MSH4: variants seen among roughly 807,000 people sequenced by gnomAD.
MSH4 encodes the protein mutS homolog 4.
A neutral mutation model predicts 113.7 loss-of-function variants in MSH4; 106 were observed. The ratio of observed to expected loss-of-function variants is 0.93; its 90% CI spans 0.80 to 1.10. The LOEUF (loss-of-function observed/expected upper bound fraction) is 1.10. Among genes scored for constraint, MSH4 ranks in the 50% least tolerant of loss-of-function variants. The probability of loss-of-function intolerance (pLI) is 0.00; values close to 1 mark genes in which losing one functional copy is unlikely to be tolerated. For missense variants in MSH4, 1,061 were observed against 1,093.7 expected, an observed-to-expected ratio of 0.97 and a Z score of 0.42; for synonymous variants, 368 against 380.2, an observed-to-expected ratio of 0.97 and a Z score of 0.37.
intron 1 of MSH4, among the ~76,000 whole-genome samples, chr1:75,800,273 CCA>C (rs1272706238): frequency 6.6e-6 from 1 of 152,162 alleles, no homozygotes; most frequent in Non-Finnish European, 1.5e-5. Flanking sequence ...TACACCCTGT[CCA>C]CACCTTTGTA....
At chr1:75,867,073 G>A (rs1651578038) in intron 8 of MSH4, among the ~76,000 whole-genome samples, 1 of 152,118 alleles carries the variant, frequency 6.6e-6, no homozygotes, top group African/African-American at 2.4e-5. Flanking sequence ...AGTTTTACTT[G>A]AACAAACAGG....
At chr1:75,911,202 T>C (rs1159229860) in intron 19 of MSH4, among the ~76,000 whole-genome samples, 2 of 151,980 alleles carry the variant, frequency 1.3e-5, no homozygotes, top group Non-Finnish European at 2.9e-5. Context: ...GCTTCATGAT[T>C]TTCCTTTGTT....
chr1:75,858,261 T>C (rs1651365606), intron 8 of MSH4, among the ~76,000 whole-genome samples: 1 of 152,220 alleles, frequency 6.6e-6, no homozygotes, highest in Non-Finnish European at 1.5e-5. Flanking sequence ...CTTTATTTCT[T>C]TCTCTTGCCT....
At chr1:75,827,204 A>T (rs1360009625) in intron 7 of MSH4, among the ~76,000 whole-genome samples, 2 of 152,176 alleles carry the variant, frequency 1.3e-5, no homozygotes, top group Non-Finnish European at 2.9e-5. Context: ...TAAAGAAAAG[A>T]ATTTTTAACC....
At chr1:75,893,057 A>T (rs1349099057) in intron 17 of MSH4, among the ~76,000 whole-genome samples, 1 of 152,210 alleles carries the variant, frequency 6.6e-6, no homozygotes, top group Non-Finnish European at 1.5e-5. Flanking sequence ...CAGTGGCTGT[A>T]GACACCAGGA....
At chr1:75,907,689 C>CATTTATATATATAT (rs1652694141) in intron 19 of MSH4, among the ~76,000 whole-genome samples, 1 of 78,622 alleles carries the variant, frequency 1.3e-5, no homozygotes, top group African/African-American at 5.9e-5. Flanking sequence ...TCTCTCTATA[C>CATTTATATATATAT]ATATATATAT....
chr1:75,831,926 A>G (rs1650701069), intron 7 of MSH4, among the ~76,000 whole-genome samples: 1 of 152,178 alleles, frequency 6.6e-6, no homozygotes, highest in South Asian at 2.1e-4. Context: ...GATAAGAAAT[A>G]ACTAAGATCA....
In MSH4 at chr1:75,819,853, G is replaced by T. The variant is rs555846834; in HGVS notation, c.990-2556G>T. On this transcript the variant is annotated intron_variant, in intron 6 of 19. Coordinates refer to ENST00000263187, the MANE Select transcript of MSH4 (RefSeq NM_002440.4). ...AGCCTCCTGAGAAGCTGGGATTACA[G>T]GTGCCTGCCACTATACCTGGCTAAT... 2.7e-3 allele frequency among the ~76,000 whole-genome samples: 416 copies of T among 152,194 alleles called. 6 individuals are homozygous for T. The highest frequency in any genetic ancestry group is 3.7e-3 in the Non-Finnish European group (249 of 68,008).
At chr1:75,864,621 A>T (rs535894375) in intron 8 of MSH4, among the ~76,000 whole-genome samples, 23 of 152,114 alleles carry the variant, frequency 1.5e-4, no homozygotes, top group Admixed American at 5.2e-4. Flanking sequence ...TATATTGACC[A>T]TTTGAATATC....
At chr1:75,847,242 C>T (rs1274984755) in intron 7 of MSH4, among the ~76,000 whole-genome samples, 4 of 152,254 alleles carry the variant, frequency 2.6e-5, no homozygotes, top group South Asian at 2.1e-4. Flanking sequence ...AACACATGAA[C>T]GTTGGGGATC....
At chr1:75,832,662 A>G (rs1328958331) in intron 7 of MSH4, among the ~76,000 whole-genome samples, 1 of 152,186 alleles carries the variant, frequency 6.6e-6, no homozygotes, top group East Asian at 1.9e-4. Flanking sequence ...AATCCATCAC[A>G]TAAACAGAAC....
intron 17 of MSH4, among the ~76,000 whole-genome samples, chr1:75,893,122 C>A (rs184614138): frequency 2.4e-3 from 364 of 152,282 alleles, no homozygotes; most frequent in Non-Finnish European, 4.4e-3. Flanking sequence ...AGCCTTGCTG[C>A]TATTTAATGC....
chr1:75,819,522 C>T (rs1482810348), intron 6 of MSH4, among the ~76,000 whole-genome samples: 3 of 152,146 alleles, frequency 2.0e-5, no homozygotes, highest in African/African-American at 4.8e-5. Context: ...TATTGGCAAT[C>T]GCCATTAGGC....
intron 1 of MSH4, among the ~76,000 whole-genome samples, chr1:75,798,134 T>A (rs2100497163): frequency 1.3e-5 from 2 of 152,216 alleles, no homozygotes; most frequent in Middle Eastern, 6.8e-3. Flanking sequence ...GTTCTTAATT[T>A]CTTTATTTTT....
At chr1:75,860,074 G>C (rs1486114893) in intron 8 of MSH4, among the ~76,000 whole-genome samples, 1 of 151,926 alleles carries the variant, frequency 6.6e-6, no homozygotes, top group Admixed American at 6.6e-5. Context: ...TCAGAGACTA[G>C]GATTGCAACC....
chr1:75,816,584 T>C (rs1650299059), intron 6 of MSH4, 38 bp downstream of exon 6: 4 of 1,184,926 alleles, frequency 3.4e-6, no homozygotes, highest in South Asian at 2.1e-5. Flanking sequence ...AATATATCGG[T>C]ATATATATAT....
intron 4 of MSH4, 147 bp downstream of exon 4, chr1:75,810,954 C>A: frequency 2.6e-6 from 1 of 390,402 alleles, no homozygotes; most frequent in Non-Finnish European, 4.5e-6. Flanking sequence ...TTACTGCAAC[C>A]TCCAGCTCCC....
chr1:75,810,228 G>C (rs1012624735), intron 3 of MSH4, among the ~76,000 whole-genome samples: 1 of 48,654 alleles, frequency 2.1e-5, no homozygotes, highest in African/African-American at 4.5e-5. Context: ...TGGTGGTGGT[G>C]GTGTTTGTTT....
At chr1:75,895,403 G>T (rs1421855371) in intron 17 of MSH4, among the ~76,000 whole-genome samples, 1 of 152,106 alleles carries the variant, frequency 6.6e-6, no homozygotes, top group Non-Finnish European at 1.5e-5. Flanking sequence ...ATGAAGATTT[G>T]GTTCACCCCA....
Sources: allele counts gnomAD v4.1 joint callset (sites outside exome capture counted in the v4.1 genomes callset), GRCh38; gene constraint gnomAD v4.1.1; transcripts MANE v1.5; gene names NCBI Gene and HGNC (gene_info 2026-07-23, HGNC 2026-07-21).